ENTHD1: variants seen among roughly 807,000 people sequenced by gnomAD.
The protein encoded by ENTHD1 is ENTH domain containing 1.
A neutral mutation model predicts 39.1 loss-of-function variants in ENTHD1; 23 were observed. The ratio of observed to expected loss-of-function variants is 0.59; its 90% CI spans 0.42 to 0.83. ENTHD1 has a LOEUF of 0.83. Among genes scored for constraint, ENTHD1 ranks in the 40% least tolerant of loss-of-function variants. The pLI is 0.00. For missense variants in ENTHD1, 624 were observed against 705.4 expected, an observed-to-expected ratio of 0.88 and a Z score of 1.31; for synonymous variants, 230 against 258.2, an observed-to-expected ratio of 0.89 and a Z score of 1.05.
chr22:39,817,628 G>T (rs114795930), intron 5 of ENTHD1, among the ~76,000 whole-genome samples: 3 of 152,058 alleles, frequency 2.0e-5, no homozygotes, highest in African/African-American at 7.2e-5. Flanking sequence ...AGTCAAGGGA[G>T]CTTTTGACTT....
intron 5 of ENTHD1, among the ~76,000 whole-genome samples, chr22:39,807,013 G>C (rs1310297174): frequency 6.6e-6 from 1 of 152,114 alleles, no homozygotes; most frequent in African/African-American, 2.4e-5. Context: ...AGGCTGCAGG[G>C]GTGAGCACAG....
intron 3 of ENTHD1, among the ~76,000 whole-genome samples, chr22:39,860,573 T>C (rs1431250950): frequency 6.6e-6 from 1 of 152,276 alleles, no homozygotes; most frequent in Non-Finnish European, 1.5e-5. Flanking sequence ...TATGTCTCAC[T>C]GGGTGAACGT....
chr22:39,806,391 T>C (rs2065640947), intron 5 of ENTHD1, among the ~76,000 whole-genome samples: 1 of 152,198 alleles, frequency 6.6e-6, no homozygotes, highest in Non-Finnish European at 1.5e-5. Flanking sequence ...ACCTCGCTGG[T>C]GAGCTTAGAG....
At chr22:39,813,978 G>A (rs1478832294) in intron 5 of ENTHD1, among the ~76,000 whole-genome samples, 1 of 151,602 alleles carries the variant, frequency 6.6e-6, no homozygotes, top group Non-Finnish European at 1.5e-5. Flanking sequence ...TAAGTACCTA[G>A]GACTAAACCT....
At chr22:39,777,604 G>A (rs1266538110) in intron 5 of ENTHD1, among the ~76,000 whole-genome samples, 2 of 151,978 alleles carry the variant, frequency 1.3e-5, no homozygotes, top group African/African-American at 2.4e-5. Context: ...ATACAGATCT[G>A]GACACATGTA....
chr22:39,811,230 C>T (rs984258045), intron 5 of ENTHD1, among the ~76,000 whole-genome samples: 4 of 152,162 alleles, frequency 2.6e-5, no homozygotes, highest in Admixed American at 1.3e-4. Context: ...AATCATGGGC[C>T]TCTCTAAACT....
At chr22:39,844,814 T>C (rs962625138) in intron 3 of ENTHD1, among the ~76,000 whole-genome samples, 13 of 151,642 alleles carry the variant, frequency 8.6e-5, no homozygotes, top group Middle Eastern at 3.4e-3. Context: ...GAGGTGAAAA[T>C]AGCTAGAGAA....
intron 5 of ENTHD1, among the ~76,000 whole-genome samples, chr22:39,817,163 T>C (rs1446408708): frequency 6.6e-6 from 1 of 152,186 alleles, no homozygotes; most frequent in Non-Finnish European, 1.5e-5. Flanking sequence ...CAAACCAGGC[T>C]GTGAATTGAT....
rs895739182 is a variant in ENTHD1, at chr22:39,887,639, A to C, written c.110T>G (p.Met37Arg). ...NDPWGPSSSL[M>R]LDISDLTFNT... ...GAAAGTCAAGTCACTGATATCTAAC[A>C]TCAGAGAACTAGAGGGACCCCAAGG... is the stretch of plus-strand genomic sequence containing the variant. The change falls in exon 2 of 7, where the codon ATG (methionine) becomes AGG (arginine). Residue 37 changes from methionine (M) to arginine (R), a missense_variant. Transcript: ENST00000325157. 9.9e-6 allele frequency: 16 copies of C among 1,614,178 alleles called. No individual in the cohort carries two copies. The highest frequency in any genetic ancestry group is 1.4e-5 in the Non-Finnish European group (16 of 1,180,022).
At chr22:39,778,546 T>C (rs2065383465) in intron 5 of ENTHD1, among the ~76,000 whole-genome samples, 1 of 152,152 alleles carries the variant, frequency 6.6e-6, no homozygotes, top group South Asian at 2.1e-4. Context: ...AAAGTATTAT[T>C]TCTTGTGAAA....
intron 5 of ENTHD1, among the ~76,000 whole-genome samples, chr22:39,766,019 CAAAA>C (rs11367784): frequency 5.4e-4 from 26 of 48,348 alleles, no homozygotes; most frequent in African/African-American, 1.8e-3. Context: ...CCCTCAGCTA[CAAAA>C]AAAAAAAAAA....
intron 5 of ENTHD1, among the ~76,000 whole-genome samples, chr22:39,816,333 T>G (rs1301810323): frequency 6.6e-6 from 1 of 152,174 alleles, no homozygotes; most frequent in African/African-American, 2.4e-5. Flanking sequence ...AAAGTCTATT[T>G]TATTTGGGAG....
intron 2 of ENTHD1, among the ~76,000 whole-genome samples, chr22:39,884,139 T>G (rs1427192603): frequency 6.6e-6 from 1 of 151,998 alleles, no homozygotes; most frequent in Non-Finnish European, 1.5e-5. Flanking sequence ...GATCTACAGA[T>G]TCAATGTAAG....
rs2095584024 is a variant in ENTHD1 at position 39,743,574 on chromosome 22, A to C, written c.*105T>G. The C allele has an allele frequency of 7.6e-7, 1 of 1,321,940 alleles. No homozygotes were observed. Among genetic ancestry groups the C allele is most frequent in the East Asian group, 2.5e-5 (1 of 39,772 alleles). The allele number at this position is 1,321,940 out of a possible 1,614,324, so 81.9% of individuals were successfully genotyped here. A position where few individuals can be genotyped will look rare whatever the true frequency, so the allele number is the denominator to read the frequency against. Reference sequence around the variant, plus strand: ...TAATAAACCTGACAAGGAAAAATTAAACCATCCCCTTTTTTGCCATAATAA... The same window carrying C: ...TAATAAACCTGACAAGGAAAAATTACACCATCCCCTTTTTTGCCATAATAA... On this transcript the variant is annotated 3_prime_UTR_variant, in exon 7 of 7. Coordinates refer to ENST00000325157, the MANE Select transcript of ENTHD1 (RefSeq NM_152512.4).
intron 5 of ENTHD1, 62 bp downstream of exon 5, chr22:39,820,931 G>A (rs1441155801): frequency 1.5e-5 from 24 of 1,586,678 alleles, no homozygotes; most frequent in African/African-American, 2.7e-5. Context: ...AGAAGCCAAC[G>A]GTTGCTGTAC....
At chr22:39,821,188 A>G in intron 4 of ENTHD1, 75 bp from the exon 5 acceptor site, 6 of 1,520,272 alleles carry the variant, frequency 3.9e-6, no homozygotes, top group Non-Finnish European at 4.5e-6. Flanking sequence ...ATTGAGCTAC[A>G]AAGTATCTAA....
At chr22:39,767,083 A>G (rs191568452) in intron 5 of ENTHD1, among the ~76,000 whole-genome samples, 1 of 152,282 alleles carries the variant, frequency 6.6e-6, no homozygotes, top group East Asian at 1.9e-4. Context: ...GAGACCTTGC[A>G]AGGAGTCATC....
rs1275084574 is a variant in ENTHD1, at chr22:39,888,261, T to C, written c.-155-358A>G. Among the ~76,000 whole-genome samples the C allele has an allele frequency of 3.1e-4, 12 of 38,522 alleles. No individual in the cohort carries two copies. The African/African-American group carries it at 6.5e-3, about 21-fold the overall frequency. 25.3% of individuals were successfully genotyped at this position (38,522 alleles called of 152,430 possible). A position where few individuals can be genotyped will look rare whatever the true frequency, so the allele number is the denominator to read the frequency against. Reference sequence around the variant, plus strand: ...TGACATCTCTTTCTTTCTTTCTTTCTTTTTTTTTTTTTTTTTTTTTTCCAA... The same window carrying C: ...TGACATCTCTTTCTTTCTTTCTTTCCTTTTTTTTTTTTTTTTTTTTTCCAA... On this transcript the variant is annotated intron_variant, in intron 1 of 6. Coordinates refer to ENST00000325157, the MANE Select transcript of ENTHD1 (RefSeq NM_152512.4).
chr22:39,836,096 C>A (rs1200627675), intron 3 of ENTHD1, 138 bp from the exon 4 acceptor site: 1 of 529,860 alleles, frequency 1.9e-6, no homozygotes, highest in African/African-American at 1.9e-5. Flanking sequence ...CCAGTGGTAA[C>A]CTATGAGTGT....
Sources: allele counts gnomAD v4.1 joint callset (sites outside exome capture counted in the v4.1 genomes callset), GRCh38; gene constraint gnomAD v4.1.1; transcripts MANE v1.5; gene names NCBI Gene and HGNC (gene_info 2026-07-23, HGNC 2026-07-21).